The following SH3GL1 variants were observed in gnomAD, a reference collection of about 807,000 sequenced individuals.
SH3GL1 encodes the protein SH3 domain containing GRB2 like 1, endophilin A2.
A neutral mutation model predicts 48.8 loss-of-function variants in SH3GL1; 21 were observed. The observed-to-expected ratio is 0.43, with a 90% CI of 0.30 to 0.62. SH3GL1 has a LOEUF of 0.62. Among genes scored for constraint, SH3GL1 ranks in the 20% least tolerant of loss-of-function variants. SH3GL1 has a pLI of 0.11. For synonymous variants in SH3GL1, 282 were observed against 217.5 expected, an observed-to-expected ratio of 1.30 and a Z score of -2.61; for missense variants, 454 against 503.0, an observed-to-expected ratio of 0.90 and a Z score of 0.93.
At position 4,389,668 on chromosome 19, in the gene SH3GL1, G is replaced by A. The variant is rs1482457054; in HGVS notation, c.45+10656C>T. Reference sequence around the variant, plus strand: ...ACACAAACTCGACACGAGGCCATCCGCTGTAGGGTGGGGGCCACGGTGGCC... The same window carrying A: ...ACACAAACTCGACACGAGGCCATCCACTGTAGGGTGGGGGCCACGGTGGCC... On this transcript the variant is annotated intron_variant, in intron 1 of 9. Coordinates refer to ENST00000269886, the MANE Select transcript of SH3GL1 (RefSeq NM_003025.4). The surrounding 1 kb of genome is among the most constrained non-coding windows in gnomAD (Gnocchi z 4.5). Among the ~76,000 whole-genome samples, 2 of 152,192 alleles carry A rather than the reference G, an allele frequency of 1.3e-5. No individual in the cohort carries two copies. Among genetic ancestry groups the A allele is most frequent in the South Asian group, 2.1e-4 (1 of 4,832 alleles).
rs370706225 is a variant in SH3GL1, at chr19:4,396,453, C to T, written c.45+3871G>A. ...TACACATGTGGCTATCTGTGTTTAG[C>T]AAACTAGGAAAATCTTTGTTTTATT... On this transcript the variant is annotated intron_variant, in intron 1 of 9. Coordinates refer to ENST00000269886, the MANE Select transcript of SH3GL1 (RefSeq NM_003025.4). 2.3e-4 allele frequency among the ~76,000 whole-genome samples: 35 copies of T among 152,040 alleles called. No individual in the cohort carries two copies. In the South Asian group the frequency reaches 5.4e-3, roughly 23 times the overall value.
intron 1 of SH3GL1, among the ~76,000 whole-genome samples, chr19:4,368,016 C>T (rs1972819673): frequency 6.6e-6 from 1 of 152,236 alleles, no homozygotes; most frequent in Non-Finnish European, 1.5e-5. Context: ...CTTGGCCCTG[C>T]CCTCTGGGGG....
intron 1 of SH3GL1, among the ~76,000 whole-genome samples, chr19:4,387,158 G>A (rs928684148): frequency 8.6e-5 from 13 of 152,002 alleles, no homozygotes; most frequent in Non-Finnish European, 1.6e-4. Flanking sequence ...GGATGGTCTC[G>A]ATCTCCTGAC....
rs1045917152 is a variant in SH3GL1, at chr19:4,378,945, A to T, written c.46-11951T>A. Among the ~76,000 whole-genome samples the T allele has an allele frequency of 3.9e-5, 6 of 152,210 alleles. No individual in the cohort carries two copies. In the East Asian group the frequency reaches 1.2e-3, roughly 29 times the overall value. On this transcript the variant is annotated intron_variant, in intron 1 of 9. Coordinates refer to ENST00000269886, the MANE Select transcript of SH3GL1 (RefSeq NM_003025.4). Reference sequence around the variant, plus strand: ...CTTACCTGAGTCACACCCATCTCCAAGGGACCCTGGTGAGGCACTCACAGG... The same window carrying T: ...CTTACCTGAGTCACACCCATCTCCATGGGACCCTGGTGAGGCACTCACAGG...
At chr19:4,374,278 G>A (rs888566439) in intron 1 of SH3GL1, among the ~76,000 whole-genome samples, 1 of 152,198 alleles carries the variant, frequency 6.6e-6, no homozygotes, top group Non-Finnish European at 1.5e-5. Flanking sequence ...ATTGCTCAGC[G>A]GTGGCCACAA....
At position 4,361,393 on chromosome 19, in the gene SH3GL1, A is replaced by C. The variant is rs1226839862; in HGVS notation, c.*207T>G. On this transcript the variant is annotated 3_prime_UTR_variant, in exon 10 of 10. Transcript: ENST00000269886. ...GCCGTCACCGTTGGGAGTCAGCGCT[A>C]GTGTAAACAGGCATCCCCACCCACC... is the stretch of plus-strand genomic sequence containing the variant. The C allele has an allele frequency of 8.6e-6, 5 of 580,790 alleles. No individual in the cohort carries two copies. In the East Asian group the frequency reaches 1.4e-4, roughly 17 times the overall value. The allele number at this position is 580,790 out of a possible 1,614,324, so 36.0% of individuals were successfully genotyped here.
chr19:4,365,456 C>A (rs771359279), intron 4 of SH3GL1, 26 bp downstream of exon 4: 1 of 1,612,506 alleles, frequency 6.2e-7, no homozygotes, highest in South Asian at 1.1e-5. Context: ...GGACGGTGGG[C>A]GTGGCTTCCA....
chr19:4,375,654 A>C (rs986765971), intron 1 of SH3GL1, among the ~76,000 whole-genome samples: 1 of 152,264 alleles, frequency 6.6e-6, no homozygotes, highest in Non-Finnish European at 1.5e-5. Flanking sequence ...CCGAGCGAAC[A>C]CATCTACATG....
intron 1 of SH3GL1, among the ~76,000 whole-genome samples, chr19:4,379,647 C>A (rs927266982): frequency 6.6e-6 from 1 of 152,046 alleles, no homozygotes; most frequent in African/African-American, 2.4e-5. Flanking sequence ...CCATCCTGAA[C>A]GCAACTCCTT....
rs1972572490 is a variant in SH3GL1 at position 4,360,441 on chromosome 19, C to A, written c.*1159G>T. ...CATTTCAGTTTGCCCTGGACCGTGC[C>A]CAAAGCTGTGTGCTCATCTCTGCGC... On this transcript the variant is annotated 3_prime_UTR_variant, in exon 10 of 10. Transcript: ENST00000269886. 1 of 238,774 alleles carries A rather than the reference C, an allele frequency of 4.2e-6. No homozygotes were observed. Among genetic ancestry groups the A allele is most frequent in the African/African-American group, 2.2e-5 (1 of 45,370 alleles). The allele number at this position is 238,774 out of a possible 1,614,324, so 14.8% of individuals were successfully genotyped here. A position where few individuals can be genotyped will look rare whatever the true frequency, so the allele number is the denominator to read the frequency against.
In SH3GL1 at chr19:4,361,489, G is replaced by C. The variant is rs930755063; in HGVS notation, c.*111C>G. On this transcript the variant is annotated 3_prime_UTR_variant, in exon 10 of 10. Coordinates refer to ENST00000269886, the MANE Select transcript of SH3GL1 (RefSeq NM_003025.4). ...CCTCAAGGGCCGGGGCCCAGGTGGCGCCGGCAGGCTCAGACACCGCCCTGG... is the reference window on the plus strand; with the variant it reads ...CCTCAAGGGCCGGGGCCCAGGTGGCCCCGGCAGGCTCAGACACCGCCCTGG... 1.2e-6 allele frequency: 1 copy of C among 806,186 alleles called. No individual in the cohort carries two copies. The highest frequency in any genetic ancestry group is 2.0e-6 in the Non-Finnish European group (1 of 509,794). The allele number at this position is 806,186 out of a possible 1,614,324, so 49.9% of individuals were successfully genotyped here. A position where few individuals can be genotyped will look rare whatever the true frequency, so the allele number is the denominator to read the frequency against.
In SH3GL1 at chr19:4,366,998, G is replaced by A. The variant is rs1972796294; in HGVS notation, c.46-4C>T. The stretch of plus-strand genomic sequence containing the variant: ...CTCCGACCTTCTCACTGACCAGCTA[G>A]AGGACAGAAGAGGGGAAACGCTGTG... On this transcript the variant is annotated splice_region_variant and splice_polypyrimidine_tract_variant and intron_variant, in intron 1 of 9. Transcript: ENST00000269886. The A allele has an allele frequency of 1.2e-6, 2 of 1,613,814 alleles. No individual in the cohort carries two copies. The highest frequency in any genetic ancestry group is 1.7e-6 in the Non-Finnish European group (2 of 1,179,738).
chr19:4,390,960 G>A (rs1209976435), intron 1 of SH3GL1, among the ~76,000 whole-genome samples: 1 of 152,158 alleles, frequency 6.6e-6, no homozygotes, highest in Non-Finnish European at 1.5e-5. Context: ...CAGATCAGTT[G>A]CAAAACACTG....
intron 1 of SH3GL1, among the ~76,000 whole-genome samples, chr19:4,373,454 T>C (rs1183374879): frequency 6.6e-6 from 1 of 152,178 alleles, no homozygotes; most frequent in African/African-American, 2.4e-5. Context: ...AAGCAGCCTT[T>C]GGGAACGGAG....
Position 4,381,974 on chromosome 19 carries a change from C to A in SH3GL1, c.46-14980G>T, listed in dbSNP as rs944894250. Among the ~76,000 whole-genome samples the A allele has an allele frequency of 3.9e-5, 6 of 152,138 alleles. No individual in the cohort carries two copies. The East Asian group carries it at 1.2e-3, about 30-fold the overall frequency. ...TTACAGCCACACACGACGTCTTCAA[C>A]GACATATTAAAGCAACACAAAGTCT... is the stretch of plus-strand genomic sequence containing the variant. On this transcript the variant is annotated intron_variant, in intron 1 of 9. Transcript: ENST00000269886.
At chr19:4,385,684 C>T (rs2144909806) in intron 1 of SH3GL1, among the ~76,000 whole-genome samples, 1 of 152,364 alleles carries the variant, frequency 6.6e-6, no homozygotes, top group South Asian at 2.1e-4. Context: ...TTCTGACAGG[C>T]ACAGAGTGCT....
chr19:4,394,121 T>C, intron 1 of SH3GL1, among the ~76,000 whole-genome samples: 7 of 105,314 alleles, frequency 6.6e-5, no homozygotes, highest in South Asian at 6.9e-4. Context: ...CTCCCTCCTT[T>C]CAGGCAAAAA....
intron 7 of SH3GL1, 114 bp downstream of exon 7, chr19:4,363,256 T>A: frequency 1.2e-6 from 1 of 824,188 alleles, no homozygotes; most frequent in Non-Finnish European, 2.0e-6. Flanking sequence ...CCAGGAAGAA[T>A]CCAGGATGCT....
At chr19:4,370,789 C>T (rs937279802) in intron 1 of SH3GL1, among the ~76,000 whole-genome samples, 11 of 152,348 alleles carry the variant, frequency 7.2e-5, no homozygotes, top group African/African-American at 2.4e-4. Flanking sequence ...CCCTGCCAGG[C>T]GAGGACCAGG....
Sources: gnomAD v4.1 joint callset for allele counts (sites outside exome capture counted in the v4.1 genomes callset) on GRCh38, gnomAD v4.1.1 for gene constraint, Gnocchi (gnomAD v3.1) non-coding constraint, MANE v1.5 for transcripts, NCBI Gene and HGNC (gene_info 2026-07-23, HGNC 2026-07-21) for gene names.